FBXL7: variants seen among roughly 807,000 people sequenced by gnomAD.
FBXL7 encodes the protein F-box/LRR-repeat protein 7.
FBXL7 carries 12 observed loss-of-function variants against 38.3 expected under a neutral mutation model. The observed-to-expected ratio is 0.31, with a 90% CI of 0.20 to 0.51. The LOEUF is 0.51. FBXL7 is among the 20% of genes least tolerant of loss of function. FBXL7 has a pLI of 0.98. For missense variants in FBXL7, 567 were observed against 676.4 expected, an observed-to-expected ratio of 0.84 and a Z score of 1.79; for synonymous variants, 297 against 300.9, an observed-to-expected ratio of 0.99 and a Z score of 0.13.
intron 2 of FBXL7, among the ~76,000 whole-genome samples, chr5:15,741,814 C>G (rs1735900992): frequency 6.7e-6 from 1 of 149,568 alleles, no homozygotes; most frequent in Admixed American, 6.7e-5. Flanking sequence ...TTTTTTTTTT[C>G]CTCCGAAGAA....
chr5:15,722,930 C>CAAAAAAAACAAAAAA (rs377502407), intron 2 of FBXL7, among the ~76,000 whole-genome samples: 15 of 142,114 alleles, frequency 1.1e-4, no homozygotes, highest in Middle Eastern at 3.5e-3. Flanking sequence ...TCAAAAAAAA[C>CAAAAAAAACAAAAAA]AAAAAAAAAA....
At chr5:15,532,435 G>C (rs1295104702) in intron 1 of FBXL7, among the ~76,000 whole-genome samples, 1 of 152,214 alleles carries the variant, frequency 6.6e-6, no homozygotes, top group Non-Finnish European at 1.5e-5. Flanking sequence ...CTTGGATAAA[G>C]ACCACATTTC....
intron 2 of FBXL7, among the ~76,000 whole-genome samples, chr5:15,775,455 T>A (rs1391412516): frequency 6.6e-6 from 1 of 152,110 alleles, no homozygotes; most frequent in Non-Finnish European, 1.5e-5. Flanking sequence ...GCCATTTCAT[T>A]AATTTCTCCC....
intron 2 of FBXL7, among the ~76,000 whole-genome samples, chr5:15,733,249 C>T (rs546287029): frequency 6.6e-5 from 10 of 152,210 alleles, no homozygotes; most frequent in East Asian, 1.9e-4. Context: ...CCCGCCACCA[C>T]GCCCGGCTAA....
intron 1 of FBXL7, among the ~76,000 whole-genome samples, chr5:15,514,870 G>T (rs1736893728): frequency 6.6e-6 from 1 of 152,166 alleles, no homozygotes; most frequent in South Asian, 2.1e-4. Flanking sequence ...TTAGGCAGGG[G>T]TACAATTTGG....
intron 2 of FBXL7, among the ~76,000 whole-genome samples, chr5:15,798,045 G>A (rs368225072): frequency 6.6e-4 from 101 of 152,280 alleles, no homozygotes; most frequent in African/African-American, 2.3e-3. Context: ...AAAGAAAAAT[G>A]TGAACGTGGA....
At chr5:15,709,935 C>T (rs1743810760) in intron 2 of FBXL7, among the ~76,000 whole-genome samples, 1 of 152,100 alleles carries the variant, frequency 6.6e-6, no homozygotes, top group Non-Finnish European at 1.5e-5. Flanking sequence ...GAAAGCAGAG[C>T]CTGTATGACA....
rs1428495897 is a variant in FBXL7, at chr5:15,905,872, C to A, written c.128-22018C>A. On this transcript the variant is annotated intron_variant, in intron 2 of 3. Coordinates refer to ENST00000504595, the MANE Select transcript of FBXL7 (RefSeq NM_012304.5). ...CCTTGTGCCTCCTCTTCGACCCCAA[C>A]CCCAACCCCACCCATGTCACAATGT... Among the ~76,000 whole-genome samples, 7 of 148,848 alleles carry A rather than the reference C, an allele frequency of 4.7e-5. No individual in the cohort carries two copies. The East Asian group carries it at 1.0e-3, about 21-fold the overall frequency.
At chr5:15,812,632 A>G (rs1463919359) in intron 2 of FBXL7, among the ~76,000 whole-genome samples, 3 of 152,086 alleles carry the variant, frequency 2.0e-5, no homozygotes, top group East Asian at 1.9e-4. Flanking sequence ...TTGGTTCCAT[A>G]TGAAATTTAA....
chr5:15,702,611 T>A (rs1174611709), intron 2 of FBXL7, among the ~76,000 whole-genome samples: 2 of 152,164 alleles, frequency 1.3e-5, no homozygotes, highest in Non-Finnish European at 2.9e-5. Flanking sequence ...TCTCCTTTTT[T>A]AAAAAAATAA....
chr5:15,587,725 T>C (rs1295602067), intron 1 of FBXL7, among the ~76,000 whole-genome samples: 3 of 152,220 alleles, frequency 2.0e-5, no homozygotes, highest in Non-Finnish European at 4.4e-5. Context: ...TGTTTTAACA[T>C]AGATTGGATG....
intron 2 of FBXL7, among the ~76,000 whole-genome samples, chr5:15,688,707 A>G (rs1743092214): frequency 6.6e-6 from 1 of 152,188 alleles, no homozygotes. Context: ...AAACTTGGGC[A>G]ATAGTGTTGT....
At chr5:15,509,521 C>CT (rs981762856) in intron 1 of FBXL7, among the ~76,000 whole-genome samples, 7 of 152,140 alleles carry the variant, frequency 4.6e-5, no homozygotes, top group African/African-American at 1.7e-4. Flanking sequence ...GAGTTACCCT[C>CT]TAAGTAATGA....
Position 15,667,693 on chromosome 5 carries a change from T to C in FBXL7, c.127+51621T>C, listed in dbSNP as rs149492520. On this transcript the variant is annotated intron_variant, in intron 2 of 3. Transcript: ENST00000504595. Reference sequence around the variant, plus strand: ...TTATTTTCTTCTCCAAGCCTACTTCTCTTCTGTTCATTCACCCTATCTTGT... The same window carrying C: ...TTATTTTCTTCTCCAAGCCTACTTCCCTTCTGTTCATTCACCCTATCTTGT... 3.2e-3 allele frequency among the ~76,000 whole-genome samples: 493 copies of C among 152,314 alleles called. 1 individual carries two copies. Among genetic ancestry groups the C allele is most frequent in the Non-Finnish European group, 5.5e-3 (372 of 68,030 alleles).
intron 1 of FBXL7, among the ~76,000 whole-genome samples, chr5:15,504,980 A>T (rs572457494): frequency 6.6e-6 from 1 of 152,286 alleles, no homozygotes; most frequent in Admixed American, 6.5e-5. Context: ...ATTGGGGCTG[A>T]TGAGAGACCA....
chr5:15,573,557 C>T (rs1197667817), intron 1 of FBXL7, among the ~76,000 whole-genome samples: 2 of 152,150 alleles, frequency 1.3e-5, no homozygotes, highest in Admixed American at 1.3e-4. Flanking sequence ...TGGGAGGCAT[C>T]ACTCAGTTTT....
chr5:15,688,357 T>C (rs1561086040), intron 2 of FBXL7, among the ~76,000 whole-genome samples: 1 of 152,198 alleles, frequency 6.6e-6, no homozygotes, highest in African/African-American at 2.4e-5. Context: ...TACGTAGTAT[T>C]ATCCCAATTT....
At chr5:15,588,947 A>G (rs1165957207) in intron 1 of FBXL7, among the ~76,000 whole-genome samples, 5 of 152,124 alleles carry the variant, frequency 3.3e-5, no homozygotes, top group Non-Finnish European at 7.4e-5. Flanking sequence ...AACACAGCTA[A>G]TCTGTTTTCT....
intron 2 of FBXL7, among the ~76,000 whole-genome samples, chr5:15,834,059 TA>T (rs1245671142): frequency 3.3e-5 from 5 of 152,172 alleles, no homozygotes; most frequent in African/African-American, 1.2e-4. Flanking sequence ...CATCTGTAAA[TA>T]AAACATTATT....
Sources: gnomAD v4.1 joint callset for allele counts (sites outside exome capture counted in the v4.1 genomes callset) on GRCh38, gnomAD v4.1.1 for gene constraint, MANE v1.5 for transcripts, NCBI Gene and HGNC (gene_info 2026-07-23, HGNC 2026-07-21) for gene names.